Variants in GADL1 observed in about 807,000 individuals in gnomAD.
GADL1 encodes GAD like acidic amino acid decarboxylase 1.
GADL1 carries 71 observed loss-of-function variants against 69.5 expected under a neutral mutation model. The ratio of observed to expected loss-of-function variants is 1.02; its 90% CI spans 0.84 to 1.25. The LOEUF (loss-of-function observed/expected upper bound fraction) is 1.25. Ranked by LOEUF, GADL1 falls within the 50% of genes most tolerant of loss-of-function variation. The pLI, the probability that GADL1 is intolerant of heterozygous loss-of-function variation, is 0.00. For missense variants in GADL1, 737 were observed against 631.8 expected (o/e 1.17, Z -1.79); for synonymous variants, 254 against 214.4 (o/e 1.18, Z -1.62).
chr3:30,754,579 A>AT (rs1695918404), intron 14 of GADL1, among the ~76,000 whole-genome samples: 2 of 152,084 alleles, frequency 1.3e-5, no homozygotes, highest in Admixed American at 1.3e-4. Context: ...ATGGCTAAAT[A>AT]TTTAAGCTTC....
intron 9 of GADL1, among the ~76,000 whole-genome samples, chr3:30,834,924 T>C (rs1697850155): frequency 1.3e-5 from 2 of 151,866 alleles, no homozygotes; most frequent in South Asian, 4.2e-4. Flanking sequence ...GGGAGAAAAA[T>C]TGATGTAAGA....
At chr3:30,875,663 A>T (rs1043982230) in intron 1 of GADL1, among the ~76,000 whole-genome samples, 1 of 151,862 alleles carries the variant, frequency 6.6e-6, no homozygotes, top group Non-Finnish European at 1.5e-5. Context: ...CATACTTCAC[A>T]TATTAAATAG....
chr3:30,744,469 G>C (rs1695670884), intron 14 of GADL1, among the ~76,000 whole-genome samples: 1 of 152,122 alleles, frequency 6.6e-6, no homozygotes, highest in African/African-American at 2.4e-5. Context: ...TCAGCACTTT[G>C]GGAGGCTGAT....
chr3:30,852,440 G>A (rs1029432676), intron 4 of GADL1, among the ~76,000 whole-genome samples: 5 of 152,106 alleles, frequency 3.3e-5, no homozygotes, highest in African/African-American at 1.2e-4. Context: ...GAACCTGGGA[G>A]GCGGAGGTTG....
chr3:30,862,859 C>G (rs950188186), intron 1 of GADL1, among the ~76,000 whole-genome samples: 1 of 151,974 alleles, frequency 6.6e-6, no homozygotes, highest in African/African-American at 2.4e-5. Context: ...AACTAGATTA[C>G]AAAGTTTACA....
chr3:30,821,122 A>C (rs934964464), intron 11 of GADL1, among the ~76,000 whole-genome samples: 23 of 152,116 alleles, frequency 1.5e-4, no homozygotes, highest in Non-Finnish European at 2.9e-4. Context: ...GGAATTGAAC[A>C]ATGAGAACAC....
At chr3:30,833,030 C>G (rs371899115) in intron 11 of GADL1, among the ~76,000 whole-genome samples, 7 of 152,098 alleles carry the variant, frequency 4.6e-5, no homozygotes, top group African/African-American at 1.4e-4. Context: ...AAATAGTTTT[C>G]ATTTCAAATA....
At chr3:30,770,329 G>A (rs779862055) in intron 14 of GADL1, among the ~76,000 whole-genome samples, 4 of 152,086 alleles carry the variant, frequency 2.6e-5, no homozygotes, top group Non-Finnish European at 5.9e-5. Context: ...GATATACTTG[G>A]GAATTCAGAA....
chr3:30,759,540 G>A (rs1696069906), intron 14 of GADL1, among the ~76,000 whole-genome samples: 1 of 152,194 alleles, frequency 6.6e-6, no homozygotes, highest in Admixed American at 6.5e-5. Context: ...ATTGAACTGA[G>A]ACACGTTCCC....
chr3:30,799,979 A>C (rs962096487), intron 12 of GADL1: 22 of 152,252 alleles, frequency 1.4e-4, no homozygotes, highest in African/African-American at 4.6e-4. Context: ...ATTTTTGTCA[A>C]AGCCATTCAA....
At position 30,827,330 on chromosome 3, in the gene GADL1, G is replaced by GTACCTCAAGTAGCTCCCAGTGTAC. The variant is rs1297853248; in HGVS notation, c.1050+6522_1050+6523insGTACACTGGGAGCTACTTGAGGTA. Reference sequence around the variant, plus strand: ...CAGTTCAAGCCCTGCATTAGGACCAGTACACATTTATGACTAGGTGGTAAC... The same window carrying GTACCTCAAGTAGCTCCCAGTGTAC: ...CAGTTCAAGCCCTGCATTAGGACCAGTACCTCAAGTAGCTCCCAGTGTACTACACATTTATGACTAGGTGGTAAC... On this transcript the variant is annotated intron_variant, in intron 11 of 14. Coordinates refer to ENST00000282538, the MANE Select transcript of GADL1 (RefSeq NM_207359.3). Among the ~76,000 whole-genome samples, 322 of 151,840 alleles carry GTACCTCAAGTAGCTCCCAGTGTAC rather than the reference G, an allele frequency of 2.1e-3. 1 individual carries two copies. The highest frequency in any genetic ancestry group is 3.5e-3 in the Non-Finnish European group (236 of 67,812).
intron 11 of GADL1, among the ~76,000 whole-genome samples, chr3:30,815,678 C>G (rs569128485): frequency 2.6e-5 from 4 of 152,292 alleles, no homozygotes; most frequent in African/African-American, 9.6e-5. Context: ...TTAGAATTAG[C>G]AAAATCATCA....
intron 14 of GADL1, among the ~76,000 whole-genome samples, chr3:30,766,145 G>A (rs897392176): frequency 6.6e-6 from 1 of 152,166 alleles, no homozygotes; most frequent in Non-Finnish European, 1.5e-5. Flanking sequence ...CCCATTCAGA[G>A]GAAGAAACAA....
intron 11 of GADL1, among the ~76,000 whole-genome samples, chr3:30,802,227 C>T (rs957976468): frequency 1.3e-5 from 2 of 152,148 alleles, no homozygotes; most frequent in African/African-American, 2.4e-5. Context: ...ATGCAATGAG[C>T]AGTCACTACC....
chr3:30,807,863 C>T (rs1697282397), intron 11 of GADL1, among the ~76,000 whole-genome samples: 2 of 151,666 alleles, frequency 1.3e-5, no homozygotes, highest in Admixed American at 1.3e-4. Context: ...GAAACACCAT[C>T]TCTACTAAAA....
intron 11 of GADL1, among the ~76,000 whole-genome samples, chr3:30,823,375 T>C (rs911851002): frequency 2.6e-5 from 4 of 151,986 alleles, no homozygotes; most frequent in African/African-American, 9.7e-5. Context: ...AAGTATTCAT[T>C]GTTATTAAGG....
intron 9 of GADL1, among the ~76,000 whole-genome samples, chr3:30,837,651 CTATA>C (rs1697895198): frequency 6.6e-6 from 1 of 152,068 alleles, no homozygotes; most frequent in Admixed American, 6.6e-5. Context: ...ACTACATAAA[CTATA>C]TAATCCATAT....
chr3:30,882,095 A>G (rs1575247218), intron 1 of GADL1, among the ~76,000 whole-genome samples: 2 of 151,946 alleles, frequency 1.3e-5, no homozygotes, highest in East Asian at 3.9e-4. Context: ...AAGTTTCTAA[A>G]TAGTTTTACA....
chr3:30,894,546 G>C (rs1416575391), intron 1 of GADL1, 32 bp downstream of exon 1: 1 of 1,540,204 alleles, frequency 6.5e-7, no homozygotes, highest in East Asian at 2.5e-5. Context: ...GGGAGGTTAA[G>C]GACAAAAACC....
Sources: gnomAD v4.1 joint callset for allele counts (sites outside exome capture counted in the v4.1 genomes callset) on GRCh38, gnomAD v4.1.1 for gene constraint, MANE v1.5 for transcripts, NCBI Gene and HGNC (gene_info 2026-07-23, HGNC 2026-07-21) for gene names.